Variants in DIMT1 observed in about 807,000 individuals in gnomAD.
DIMT1 encodes DIM1 rRNA methyltransferase and ribosome maturation factor.
In DIMT1, 36 loss-of-function variants were observed where a neutral mutation model predicts 43.2. That is an observed-to-expected ratio of 0.83 (90% CI 0.64 to 1.10). The LOEUF (loss-of-function observed/expected upper bound fraction) is 1.10, where lower values mean the gene tolerates loss of function less well. Among genes scored for constraint, DIMT1 ranks in the 50% least tolerant of loss-of-function variants. The pLI is 0.00. For missense variants in DIMT1, 341 were observed against 385.3 expected (o/e 0.88, Z 0.96); for synonymous variants, 126 against 130.3 (o/e 0.97, Z 0.22).
chr5:62,401,539 A>T (rs1742702933), intron 3 of DIMT1, among the ~76,000 whole-genome samples: 1 of 144,412 alleles, frequency 6.9e-6, no homozygotes. Context: ...GAAATACCTA[A>T]TGTGGTTTCT....
rs530522421 is a variant in DIMT1 at position 62,394,519 on chromosome 5, TATTA to T, written c.531_534del (p.Asn178HisfsTer10). 4 of 1,614,172 alleles carry T rather than the reference TATTA, an allele frequency of 2.5e-6. No individual in the cohort carries two copies. Among genetic ancestry groups the T allele is most frequent in the Non-Finnish European group, 2.5e-6 (3 of 1,180,034 alleles). On this transcript the variant is annotated frameshift_variant, in exon 7 of 12. Coordinates refer to ENST00000199320, the MANE Select transcript of DIMT1 (RefSeq NM_014473.4). LOFTEE classifies it high-confidence loss of function. ...TGGTCCACACGTGCCAACAGCTGTG[TATTA>T]ATTGAGAGTCTGCAGTATAACTTAT...
Position 62,394,560 on chromosome 5 carries a change from G to C in DIMT1, c.494C>G (p.Ala165Gly). 1 of 1,614,218 alleles carries C rather than the reference G, an allele frequency of 6.2e-7. No individual in the cohort carries two copies. Among genetic ancestry groups the C allele is most frequent in the African/African-American group, 1.3e-5 (1 of 75,058 alleles). Residue 165 changes from alanine (A) to glycine (G), a missense_variant, in exon 7 of 12, where the codon GCA becomes GGA. Physicochemically the swap from Ala to Gly is moderately conservative, Grantham distance 60. Coordinates refer to ENST00000199320, the MANE Select transcript of DIMT1 (RefSeq NM_014473.4). ...GCAGTATAACTTATCTCCAGGTTTT[G>C]CAACCAGTCGGAGGGCAAATTCTCT... ...FQREFALRLV[A>G]KPGDKLYCRL...
rs367572615 is a variant in DIMT1, at chr5:62,398,391, AT to A, written c.446+119del. 6.2e-4 allele frequency: 608 copies of A among 987,178 alleles called. 6 individuals are homozygous for A. In the African/African-American group the frequency reaches 8.7e-3, roughly 14 times the overall value. 61.2% of individuals were successfully genotyped at this position (987,178 alleles called of 1,614,324 possible). A position where few individuals can be genotyped will look rare whatever the true frequency, so the allele number is the denominator to read the frequency against. ...GAGAAAGACCTCCATACAAATCAAC[AT>A]TTTCTACAAAAATTCTTCAGTAGTT... is the stretch of plus-strand genomic sequence containing the variant. On this transcript the variant is annotated intron_variant, in intron 6 of 11. Transcript: ENST00000199320.
chr5:62,389,203 T>G, intron 11 of DIMT1, 151 bp from the exon 12 acceptor site: 1 of 671,662 alleles, frequency 1.5e-6, no homozygotes, highest in Non-Finnish European at 2.4e-6. Flanking sequence ...GAAACGTTAC[T>G]GGCTGGGCGC....
intron 3 of DIMT1, 117 bp from the exon 4 acceptor site, chr5:62,398,998 C>A: frequency 1.2e-6 from 1 of 845,138 alleles, no homozygotes; most frequent in Non-Finnish European, 1.8e-6. Context: ...CCATTTCTAC[C>A]ATCAATATTC....
Position 62,390,880 on chromosome 5 carries a change from T to C in DIMT1, c.895A>G (p.Ile299Val). ...RARSMDIDDF[I>V]RLLHGFNAEG... is the part of the protein sequence containing the mutation. ...GGAAAACAAAAATGTAATTACCTGA[T>C]GAAGTCATCTATGTCCATGGAACGG... Residue 299 changes from isoleucine (I) to valine (V), a missense_variant, in exon 11 of 12, where the codon ATC becomes GTC. Coordinates refer to ENST00000199320, the MANE Select transcript of DIMT1 (RefSeq NM_014473.4). 6.2e-7 allele frequency: 1 copy of C among 1,611,478 alleles called. No homozygotes were observed. The highest frequency in any genetic ancestry group is 8.5e-7 in the Non-Finnish European group (1 of 1,179,374).
chr5:62,393,984 T>C lies in DIMT1; in HGVS notation c.634A>G (p.Lys212Glu). 6.2e-7 allele frequency: 1 copy of C among 1,610,688 alleles called. No homozygotes were observed. The highest frequency in any genetic ancestry group is 8.5e-7 in the Non-Finnish European group (1 of 1,179,058). Residue 212 changes from lysine (K) to glutamate (E), a missense_variant, in exon 8 of 12, where the codon AAG becomes GAG. By Grantham distance (56) the Lys-to-Glu change is moderately conservative. Transcript: ENST00000199320. ...VESSVVRIEP[K>E]NPPPPINFQE... ...AAATTGATGGGTGGTGGTGGATTCTTAGGTTCTATCCTTACAACACTGGAT... is the reference window on the plus strand; with the variant it reads ...AAATTGATGGGTGGTGGTGGATTCTCAGGTTCTATCCTTACAACACTGGAT...
intron 10 of DIMT1, 58 bp from the exon 11 acceptor site, chr5:62,391,040 C>A (rs981295040): frequency 6.9e-6 from 10 of 1,444,928 alleles, no homozygotes; most frequent in Non-Finnish European, 9.7e-6. Flanking sequence ...GTCACCTTGA[C>A]TCTTTTTTTT....
At chr5:62,394,848 G>C (rs1481794222) in intron 6 of DIMT1, among the ~76,000 whole-genome samples, 1 of 152,074 alleles carries the variant, frequency 6.6e-6, no homozygotes, top group Non-Finnish European at 1.5e-5. Context: ...GACTGGATGA[G>C]ATGTTTCAAA....
At chr5:62,393,539 T>C (rs1343414238) in intron 8 of DIMT1, among the ~76,000 whole-genome samples, 1 of 152,228 alleles carries the variant, frequency 6.6e-6, no homozygotes, top group Non-Finnish European at 1.5e-5. Flanking sequence ...GAAGGAGTTA[T>C]TGACAAACCA....
chr5:62,392,488 G>T (rs900810467), intron 9 of DIMT1, among the ~76,000 whole-genome samples: 1 of 149,308 alleles, frequency 6.7e-6, no homozygotes, highest in African/African-American at 2.5e-5. Flanking sequence ...AGAAGTTCTA[G>T]ACTCTCCACA....
At chr5:62,396,370 T>C (rs578048580) in intron 6 of DIMT1, among the ~76,000 whole-genome samples, 2 of 151,996 alleles carry the variant, frequency 1.3e-5, no homozygotes, top group East Asian at 3.9e-4. Flanking sequence ...TAGCTGGGTG[T>C]GGTGGCACAT....
At chr5:62,400,484 C>T (rs114026939) in intron 3 of DIMT1, among the ~76,000 whole-genome samples, 1 of 151,932 alleles carries the variant, frequency 6.6e-6, no homozygotes, top group South Asian at 2.1e-4. Flanking sequence ...AACTCCTGGG[C>T]TCAAACAATC....
At chr5:62,399,278 C>G (rs570148314) in intron 3 of DIMT1, among the ~76,000 whole-genome samples, 5 of 152,314 alleles carry the variant, frequency 3.3e-5, no homozygotes, top group African/African-American at 9.6e-5. Context: ...ACCAGCCTGG[C>G]CAACATGGCG....
chr5:62,394,452 G>GA (rs774782434), intron 7 of DIMT1, 32 bp downstream of exon 7: 4 of 1,609,870 alleles, frequency 2.5e-6, no homozygotes, highest in Non-Finnish European at 3.4e-6. Flanking sequence ...TTCTATCTCA[G>GA]AAAAAAGAGA....
At position 62,394,026 on chromosome 5, in the gene DIMT1, G is replaced by A. The variant is rs1161634191; in HGVS notation, c.592C>T (p.Pro198Ser). 1 of 1,611,518 alleles carries A rather than the reference G, an allele frequency of 6.2e-7. No individual in the cohort carries two copies. The highest frequency in any genetic ancestry group is 1.3e-5 in the African/African-American group (1 of 74,710). ...LMKVGKNNFR[P>S]PPKVESSVVR... ...ACACTGGATTCCACCTTGGGCGGTG[G>A]TCTGAAGTTATTCTTTCCCACCTGT... is the stretch of plus-strand genomic sequence containing the variant. The change falls in exon 8 of 12, where the codon CCA becomes TCA. Residue 198 changes from proline (P) to serine (S), a missense_variant. Pro to Ser is a moderately conservative substitution (Grantham distance 74, BLOSUM62 -1). Coordinates refer to ENST00000199320, the MANE Select transcript of DIMT1 (RefSeq NM_014473.4).
At chr5:62,395,727 G>C (rs1478070312) in intron 6 of DIMT1, among the ~76,000 whole-genome samples, 1 of 152,192 alleles carries the variant, frequency 6.6e-6, no homozygotes, top group Non-Finnish European at 1.5e-5. Flanking sequence ...AATAAGGCTG[G>C]TGTGGCGGCA....
intron 6 of DIMT1, among the ~76,000 whole-genome samples, chr5:62,395,047 G>A (rs1009662721): frequency 8.8e-5 from 13 of 148,188 alleles, no homozygotes; most frequent in Non-Finnish European, 1.5e-4. Flanking sequence ...TTTTTGAGAC[G>A]GAGTTTCGCT....
chr5:62,391,846 T>C (rs1742314968), intron 10 of DIMT1: 6 of 1,471,038 alleles, frequency 4.1e-6, no homozygotes, highest in South Asian at 2.8e-5. Context: ...TACACAATTA[T>C]TTTAAGTTGT....
Sources: gnomAD v4.1 joint callset for allele counts (sites outside exome capture counted in the v4.1 genomes callset) on GRCh38, gnomAD v4.1.1 for gene constraint, MANE v1.5 for transcripts, NCBI Gene and HGNC (gene_info 2026-07-23, HGNC 2026-07-21) for gene names.